Variants in PRKG1 observed in about 807,000 individuals in gnomAD.
PRKG1 encodes protein kinase cGMP-dependent 1, also known as cGMP-dependent protein kinase 1.
In PRKG1, 35 loss-of-function variants were observed where a neutral mutation model predicts 88.1. That is an observed-to-expected ratio of 0.40 (90% CI 0.30 to 0.53). PRKG1 has a LOEUF of 0.53. Ranked by LOEUF, PRKG1 falls within the 20% of genes least tolerant of loss-of-function variation. PRKG1 has a pLI of 0.59. For synonymous variants in PRKG1, 303 were observed against 292.5 expected (o/e 1.04, Z -0.37); for missense variants, 540 against 839.8 (o/e 0.64, Z 4.41).
intron 1 of PRKG1, among the ~76,000 whole-genome samples, chr10:51,042,094 A>G (rs978009163): frequency 2.0e-5 from 3 of 152,102 alleles, no homozygotes; most frequent in Non-Finnish European, 4.4e-5. Context: ...GCTCATTTTG[A>G]CAGGAACTCT....
At chr10:51,606,092 T>C (rs923490472) in intron 3 of PRKG1, among the ~76,000 whole-genome samples, 1 of 152,234 alleles carries the variant, frequency 6.6e-6, no homozygotes, top group African/African-American at 2.4e-5. Flanking sequence ...TTTATTTTTA[T>C]ATTATAATTT....
chr10:52,064,507 C>G (rs114203989), intron 7 of PRKG1, among the ~76,000 whole-genome samples: 1 of 152,182 alleles, frequency 6.6e-6, no homozygotes, highest in African/African-American at 2.4e-5. Context: ...AGCTCCTAGT[C>G]CCCCAACAGC....
chr10:51,685,543 T>C (rs547036942), intron 3 of PRKG1, among the ~76,000 whole-genome samples: 1 of 152,330 alleles, frequency 6.6e-6, no homozygotes, highest in South Asian at 2.1e-4. Flanking sequence ...TGCACTATTA[T>C]AGTCTCTTTC....
In PRKG1 at chr10:51,554,046, G is replaced by GTATGTGATACGTGTATATATTATATGTA. The variant is rs1564547328; in HGVS notation, c.592+86210_592+86211insTATGTGATACGTGTATATATTATATGTA. Among the ~76,000 whole-genome samples the GTATGTGATACGTGTATATATTATATGTA allele has an allele frequency of 1.3e-4, 16 of 125,926 alleles. 2 individuals carry two copies. The highest frequency in any genetic ancestry group is 2.4e-4 in the Non-Finnish European group (14 of 57,210). The allele number at this position is 125,926 out of a possible 152,430, so 82.6% of individuals were successfully genotyped here. ...TGTGATACGTGTATATATTATATGTGCGTATGTGATACGTGTATATATTAT... is the reference window on the plus strand; with the variant it reads ...TGTGATACGTGTATATATTATATGTGTATGTGATACGTGTATATATTATATGTACGTATGTGATACGTGTATATATTAT... On this transcript the variant is annotated intron_variant, in intron 3 of 17. Transcript: ENST00000373980.
At chr10:51,902,210 G>A (rs541871207) in intron 4 of PRKG1, among the ~76,000 whole-genome samples, 25 of 152,072 alleles carry the variant, frequency 1.6e-4, no homozygotes, top group African/African-American at 5.1e-4. Flanking sequence ...TCTGCCTCCC[G>A]GGTTCAAGCA....
chr10:51,383,537 G>A (rs1378401039), intron 2 of PRKG1, among the ~76,000 whole-genome samples: 2 of 152,162 alleles, frequency 1.3e-5, no homozygotes, highest in Admixed American at 1.3e-4. Context: ...CGGAGTTTAA[G>A]TACCTTGCCC....
chr10:52,150,869 TTTTA>T (rs1412363734), intron 8 of PRKG1, among the ~76,000 whole-genome samples: 1 of 152,162 alleles, frequency 6.6e-6, no homozygotes, highest in Non-Finnish European at 1.5e-5. Flanking sequence ...CAGAAGCAGT[TTTTA>T]AATAGTCAGT....
chr10:51,602,361 C>A (rs922731855), intron 3 of PRKG1, among the ~76,000 whole-genome samples: 1 of 152,006 alleles, frequency 6.6e-6, no homozygotes, highest in Admixed American at 6.6e-5. Flanking sequence ...TTTACCATAA[C>A]CTTATGTTTA....
At chr10:52,013,882 T>C (rs1844965277) in intron 5 of PRKG1, among the ~76,000 whole-genome samples, 1 of 152,216 alleles carries the variant, frequency 6.6e-6, no homozygotes, top group African/African-American at 2.4e-5. Context: ...GTGGGTATCA[T>C]GCAAGGCTTT....
chr10:52,090,979 G>T (rs891367978), intron 7 of PRKG1, among the ~76,000 whole-genome samples: 7 of 152,042 alleles, frequency 4.6e-5, no homozygotes, highest in Non-Finnish European at 1.0e-4. Context: ...TTCTATTGCT[G>T]CATAACACAT....
At chr10:52,210,684 C>G (rs1057304423) in intron 9 of PRKG1, among the ~76,000 whole-genome samples, 1 of 152,072 alleles carries the variant, frequency 6.6e-6, no homozygotes, top group African/African-American at 2.4e-5. Context: ...TAATTTTATT[C>G]AAATTCTGAT....
chr10:51,533,910 G>A (rs1314113945), intron 3 of PRKG1, among the ~76,000 whole-genome samples: 17 of 152,156 alleles, frequency 1.1e-4, no homozygotes, highest in Admixed American at 1.1e-3. Context: ...GCTTAACCGT[G>A]ATATTTCACA....
At chr10:51,439,579 G>A (rs1054546339) in intron 2 of PRKG1, among the ~76,000 whole-genome samples, 1 of 151,730 alleles carries the variant, frequency 6.6e-6, no homozygotes, top group African/African-American at 2.4e-5. Flanking sequence ...TAGAAATATC[G>A]GTGGATTTTC....
At chr10:51,323,014 C>A (rs1458908185) in intron 2 of PRKG1, among the ~76,000 whole-genome samples, 1 of 152,126 alleles carries the variant, frequency 6.6e-6, no homozygotes. Flanking sequence ...AAATAGTAGA[C>A]ATTTATATTG....
intron 2 of PRKG1, among the ~76,000 whole-genome samples, chr10:51,289,190 C>A (rs1265425468): frequency 6.6e-6 from 1 of 152,160 alleles, no homozygotes; most frequent in Non-Finnish European, 1.5e-5. Context: ...AGGCAGCCAA[C>A]TTTGCCACCA....
intron 1 of PRKG1, among the ~76,000 whole-genome samples, chr10:51,003,951 TTGATAC>T (rs1485970045): frequency 6.6e-6 from 1 of 152,216 alleles, no homozygotes; most frequent in African/African-American, 2.4e-5. Flanking sequence ...CCTCAGCTTA[TTGATAC>T]TGATATTTTG....
chr10:51,276,822 C>T (rs1290684011), intron 2 of PRKG1, among the ~76,000 whole-genome samples: 20 of 151,534 alleles, frequency 1.3e-4, no homozygotes, highest in Non-Finnish European at 1.9e-4. Flanking sequence ...GTTTTTTTCT[C>T]GTAAATTTGT....
intron 2 of PRKG1, among the ~76,000 whole-genome samples, chr10:51,168,619 G>A (rs2132003009): frequency 6.6e-6 from 1 of 152,238 alleles, no homozygotes; most frequent in South Asian, 2.1e-4. Context: ...TAAGCCATAT[G>A]ACTTGAGGGC....
At chr10:51,100,905 A>G (rs1844663372) in intron 1 of PRKG1, among the ~76,000 whole-genome samples, 1 of 152,204 alleles carries the variant, frequency 6.6e-6, no homozygotes, top group Non-Finnish European at 1.5e-5. Context: ...CTGTGAAAAA[A>G]GGGTGATTCT....
Sources: gnomAD v4.1 joint callset for allele counts (sites outside exome capture counted in the v4.1 genomes callset) on GRCh38, gnomAD v4.1.1 for gene constraint, MANE v1.5 for transcripts, NCBI Gene and HGNC (gene_info 2026-07-23, HGNC 2026-07-21) for gene names.